The following ATP11B variants were observed in gnomAD, a reference collection of about 807,000 sequenced individuals.
ATP11B encodes phospholipid-transporting ATPase IF.
Under a neutral mutation model 157.8 loss-of-function variants are expected in ATP11B, and 81 were observed. That is an observed-to-expected ratio of 0.51 (90% confidence interval 0.43 to 0.62). The LOEUF is 0.62. Among genes scored for constraint, ATP11B ranks in the 20% least tolerant of loss-of-function variants. The probability of loss-of-function intolerance (pLI) is 0.00; values close to 1 mark genes in which losing one functional copy is unlikely to be tolerated. For missense variants in ATP11B, 1,165 were observed against 1,402.2 expected, an observed-to-expected ratio of 0.83 and a Z score of 2.70; for synonymous variants, 451 against 469.4, an observed-to-expected ratio of 0.96 and a Z score of 0.51.
intron 28 of ATP11B, among the ~76,000 whole-genome samples, chr3:182,906,184 C>G (rs1356941363): frequency 6.6e-6 from 1 of 152,198 alleles, no homozygotes; most frequent in Non-Finnish European, 1.5e-5. Flanking sequence ...AAGATATTCT[C>G]ACAACCTATT....
intron 1 of ATP11B, among the ~76,000 whole-genome samples, chr3:182,817,997 T>A (rs1422853556): frequency 6.6e-6 from 1 of 152,234 alleles, no homozygotes; most frequent in Non-Finnish European, 1.5e-5. Flanking sequence ...TTTAAATTAG[T>A]GTTAAAGAGA....
chr3:182,825,402 T>C (rs1717646104), intron 2 of ATP11B, among the ~76,000 whole-genome samples: 1 of 152,140 alleles, frequency 6.6e-6, no homozygotes, highest in African/African-American at 2.4e-5. Context: ...TAACTGGCCA[T>C]AGTAACTACA....
At chr3:182,849,429 TA>T (rs1719793230) in intron 10 of ATP11B, among the ~76,000 whole-genome samples, 1 of 152,186 alleles carries the variant, frequency 6.6e-6, no homozygotes, top group African/African-American at 2.4e-5. Context: ...ATCCATAAGA[TA>T]AAAAGCACTC....
intron 28 of ATP11B, among the ~76,000 whole-genome samples, chr3:182,899,568 A>G (rs1651845190): frequency 6.6e-6 from 1 of 152,336 alleles, no homozygotes; most frequent in African/African-American, 2.4e-5. Flanking sequence ...CTAAACATTT[A>G]TTAATAAATA....
chr3:182,837,822 A>G (rs866020041), intron 7 of ATP11B, among the ~76,000 whole-genome samples: 2 of 152,096 alleles, frequency 1.3e-5, no homozygotes, highest in Non-Finnish European at 1.5e-5. Context: ...ACTGCTTTTA[A>G]CATTACAGTT....
chr3:182,849,458 A>G (rs929569540), intron 10 of ATP11B, among the ~76,000 whole-genome samples: 6 of 152,264 alleles, frequency 3.9e-5, no homozygotes, highest in African/African-American at 1.2e-4. Context: ...ACTGTCTCCA[A>G]AATGATCCAG....
intron 25 of ATP11B, among the ~76,000 whole-genome samples, chr3:182,890,360 T>C (rs1723091937): frequency 6.6e-6 from 1 of 152,198 alleles, no homozygotes; most frequent in African/African-American, 2.4e-5. Flanking sequence ...CATACAAATT[T>C]GCAATTGGAA....
intron 1 of ATP11B, among the ~76,000 whole-genome samples, chr3:182,799,872 G>T (rs1423323740): frequency 6.6e-6 from 1 of 152,086 alleles, no homozygotes; most frequent in Non-Finnish European, 1.5e-5. Context: ...TCGGCACTTT[G>T]GGAGACACAC....
intron 29 of ATP11B, chr3:182,917,180 TTAGGG>T: frequency 1.0e-6 from 1 of 985,358 alleles, no homozygotes; most frequent in Non-Finnish European, 1.2e-6. Context: ...ACATCTCTGT[TTAGGG>T]AAGGTGGGAA....
Position 182,897,404 on chromosome 3 carries a change from C to T in ATP11B, c.3150C>T (p.Leu1050=), listed in dbSNP as rs756231115. Residue 1050 remains leucine, a splice_region_variant and synonymous_variant, in exon 27 of 30, where the codon CTC becomes CTT. Transcript: ENST00000323116. The stretch of plus-strand genomic sequence containing the variant: ...TTTCCTTGTTTTATGGAGGGATTCT[C>T]TGGTGAGTGAATATATTGTATTTTA... ...FVFSLFYGGI[L]WPFLGSQNMY... is the part of the protein sequence containing the mutation. The T allele has an allele frequency of 5.9e-6, 9 of 1,533,304 alleles. No individual in the cohort carries two copies. The highest frequency in any genetic ancestry group is 4.8e-5 in the South Asian group (4 of 82,654). 95.0% of individuals were successfully genotyped at this position (1,533,304 alleles called of 1,614,324 possible). A position where few individuals can be genotyped will look rare whatever the true frequency, so the allele number is the denominator to read the frequency against.
intron 23 of ATP11B, 88 bp downstream of exon 23, chr3:182,886,098 T>C: frequency 1.2e-6 from 1 of 838,406 alleles, no homozygotes; most frequent in Non-Finnish European, 1.7e-6. Context: ...TGAAGGGACT[T>C]TTTTCATTTT....
At chr3:182,853,349 A>G (rs566289094) in intron 10 of ATP11B, among the ~76,000 whole-genome samples, 1 of 152,154 alleles carries the variant, frequency 6.6e-6, no homozygotes, top group African/African-American at 2.4e-5. Flanking sequence ...CTGGGACCAC[A>G]GGTGCGCGCC....
chr3:182,866,561 C>T (rs1446001035), intron 14 of ATP11B, 118 bp downstream of exon 14: 1 of 739,032 alleles, frequency 1.4e-6, no homozygotes, highest in Non-Finnish European at 2.0e-6. Flanking sequence ...TGTCAGAATT[C>T]ATATAAATAC....
intron 12 of ATP11B, among the ~76,000 whole-genome samples, chr3:182,862,327 A>G (rs985146026): frequency 4.6e-5 from 7 of 152,030 alleles, no homozygotes; most frequent in Admixed American, 2.6e-4. Context: ...GCTTATCAGA[A>G]GCTATTGATT....
chr3:182,914,757 C>A, intron 29 of ATP11B: 6 of 985,238 alleles, frequency 6.1e-6, no homozygotes, highest in Non-Finnish European at 7.2e-6. Flanking sequence ...TTCATTTAAA[C>A]TTGCAATGGA....
At chr3:182,895,922 G>A (rs1397355211) in intron 25 of ATP11B, among the ~76,000 whole-genome samples, 1 of 152,156 alleles carries the variant, frequency 6.6e-6, no homozygotes, top group Admixed American at 6.5e-5. Flanking sequence ...GTGGTCAGGT[G>A]GTTAGGCAGG....
At chr3:182,811,211 C>T (rs1195756120) in intron 1 of ATP11B, among the ~76,000 whole-genome samples, 1 of 152,174 alleles carries the variant, frequency 6.6e-6, no homozygotes, top group Non-Finnish European at 1.5e-5. Flanking sequence ...GTAAACAGCA[C>T]TTCATAAAAG....
In ATP11B at chr3:182,908,196, C is replaced by CTTTT. The variant is rs10716562; in HGVS notation, c.3319-5643_3319-5640dup. 1.8e-3 allele frequency among the ~76,000 whole-genome samples: 125 copies of CTTTT among 70,724 alleles called. 5 individuals are homozygous for CTTTT. Among genetic ancestry groups the CTTTT allele is most frequent in the African/African-American group, 5.2e-3 (91 of 17,418 alleles). The allele number at this position is 70,724 out of a possible 152,430, so 46.4% of individuals were successfully genotyped here. A position where few individuals can be genotyped will look rare whatever the true frequency, so the allele number is the denominator to read the frequency against. Reference sequence around the variant, plus strand: ...AATATAATTCTCATATTATTATTTTCTTTTTTTTTTTTTTTTTTTTTTTTT... The same window carrying CTTTT: ...AATATAATTCTCATATTATTATTTTCTTTTTTTTTTTTTTTTTTTTTTTTTTTTT... On this transcript the variant is annotated intron_variant, in intron 28 of 29. Transcript: ENST00000323116.
chr3:182,824,077 C>T (rs1194926564), intron 2 of ATP11B, among the ~76,000 whole-genome samples: 3 of 152,004 alleles, frequency 2.0e-5, no homozygotes, highest in African/African-American at 7.2e-5. Context: ...TCATATAATA[C>T]AACACAAGTC....
Sources: gnomAD v4.1 joint callset for allele counts (sites outside exome capture counted in the v4.1 genomes callset) on GRCh38, gnomAD v4.1.1 for gene constraint, MANE v1.5 for transcripts, NCBI Gene and HGNC (gene_info 2026-07-23, HGNC 2026-07-21) for gene names.